The following EFHD2 variants were observed in gnomAD, a reference collection of about 807,000 sequenced individuals.
The protein encoded by EFHD2 is EF-hand domain family member D2.
Under a neutral mutation model 20.3 loss-of-function variants are expected in EFHD2, and 12 were observed. The ratio of observed to expected loss-of-function variants is 0.59; its 90% CI spans 0.38 to 0.96. The LOEUF (loss-of-function observed/expected upper bound fraction) is 0.96, where lower values mean the gene tolerates loss of function less well. Ranked by LOEUF, EFHD2 falls within the 40% of genes least tolerant of loss-of-function variation. EFHD2 has a pLI of 0.00. For missense variants in EFHD2, 250 were observed against 334.3 expected, an observed-to-expected ratio of 0.75 and a Z score of 1.97; for synonymous variants, 131 against 143.9, an observed-to-expected ratio of 0.91 and a Z score of 0.64.
At position 15,410,194 on chromosome 1, in the gene EFHD2, C is replaced by G. The variant is rs1707445884; in HGVS notation, c.223C>G (p.Pro75Ala). The G allele has an allele frequency of 6.2e-7, 1 of 1,605,762 alleles. No individual in the cohort carries two copies. The highest frequency in any genetic ancestry group is 1.1e-5 in the South Asian group (1 of 89,974). ...CCAGGGCATCGGCGAGCCCCAGTCG[C>G]CCAGCCGCCGCGTCTTCAACCCCTA... The part of the protein sequence containing the change: ...LNQGIGEPQS[P>A]SRRVFNPYTE... Residue 75 changes from proline to alanine, a missense_variant, in exon 1 of 4, where the codon CCC becomes GCC. Pro to Ala is a conservative substitution (Grantham distance 27). Coordinates refer to ENST00000375980, the MANE Select transcript of EFHD2 (RefSeq NM_024329.6).
rs555167933 is a variant in EFHD2 at position 15,411,071 on chromosome 1, G to A, written c.308+792G>A. Among the ~76,000 whole-genome samples, 283 of 151,974 alleles carry A rather than the reference G, an allele frequency of 1.9e-3. 1 individual carries two copies. Among genetic ancestry groups the A allele is most frequent in the African/African-American group, 6.3e-3 (259 of 41,428 alleles). On this transcript the variant is annotated intron_variant, in intron 1 of 3. Coordinates refer to ENST00000375980, the MANE Select transcript of EFHD2 (RefSeq NM_024329.6). The stretch of plus-strand genomic sequence containing the variant: ...CTCACTCCAGTCGTCCCTGTGGGCC[G>A]AGTCCCCTCCGGGTTTGGAAGGCCT...
Position 15,426,391 on chromosome 1 carries a change from G to A in EFHD2, c.456+373G>A, listed in dbSNP as rs1707872581. 6.6e-6 allele frequency among the ~76,000 whole-genome samples: 1 copy of A among 152,186 alleles called. No individual in the cohort carries two copies. On this transcript the variant is annotated intron_variant, in intron 2 of 3. Transcript: ENST00000375980. This position sits in a 1 kb window ranked among gnomAD's most constrained non-coding sequence, Gnocchi z 4.6. ...CACAGAAGGAAATCAGGGCTGTGATGCAGAGGAAGAGGGCCACGGCACTGG... is the reference window on the plus strand; with the variant it reads ...CACAGAAGGAAATCAGGGCTGTGATACAGAGGAAGAGGGCCACGGCACTGG...
chr1:15,412,120 C>T (rs35981164), intron 1 of EFHD2, among the ~76,000 whole-genome samples: 13,665 of 151,992 alleles, frequency 0.09, 780 homozygotes, highest in South Asian at 0.19. Flanking sequence ...CTTGGCTCCA[C>T]GGTGTTTGGT....
chr1:15,410,592 C>T (rs562347764), intron 1 of EFHD2, among the ~76,000 whole-genome samples: 1 of 152,260 alleles, frequency 6.6e-6, no homozygotes, highest in African/African-American at 2.4e-5. Flanking sequence ...AATCGCCAGG[C>T]CCCGCGAGCC....
At chr1:15,424,886 C>T (rs781707872) in intron 1 of EFHD2, among the ~76,000 whole-genome samples, 4 of 152,186 alleles carry the variant, frequency 2.6e-5, no homozygotes, top group Non-Finnish European at 5.9e-5. Flanking sequence ...CTTCCACACC[C>T]ACGTCACATC....
chr1:15,426,953 T>C lies in EFHD2; in HGVS notation c.457-197T>C, dbSNP rs540393820. ...AGCATCCTGGGTGGCAGATGAGTCA[T>C]ATCTCCTCCCATTGTACAGTTGGGC... On this transcript the variant is annotated intron_variant, in intron 2 of 3. Coordinates refer to ENST00000375980, the MANE Select transcript of EFHD2 (RefSeq NM_024329.6). The surrounding 1 kb of genome is among the most constrained non-coding windows in gnomAD (Gnocchi z 4.6). Among the ~76,000 whole-genome samples the C allele has an allele frequency of 6.6e-6, 1 of 152,254 alleles. No homozygotes were observed. Among genetic ancestry groups the C allele is most frequent in the African/African-American group, 2.4e-5 (1 of 41,566 alleles).
chr1:15,427,490 G>A (rs1346070529), intron 3 of EFHD2, among the ~76,000 whole-genome samples: 1 of 152,244 alleles, frequency 6.6e-6, no homozygotes, highest in South Asian at 2.1e-4. Flanking sequence ...CGCCAAGGGG[G>A]TGGGTGAGGG....
rs1358706036 is a variant in EFHD2, at chr1:15,429,133, G to A, written c.*409G>A. 2.0e-5 allele frequency: 4 copies of A among 202,076 alleles called. No individual in the cohort carries two copies. Among genetic ancestry groups the A allele is most frequent in the African/African-American group, 7.1e-5 (3 of 42,378 alleles). 12.5% of individuals were successfully genotyped at this position (202,076 alleles called of 1,614,324 possible). On this transcript the variant is annotated 3_prime_UTR_variant, in exon 4 of 4. Transcript: ENST00000375980. ...AACCCCTGCCCTCCTCCAGCAGGCC[G>A]CACCGCCCCTGGGGCCCCCTGCCAG...
chr1:15,409,914 C>T lies in EFHD2; in HGVS notation c.-58C>T. The T allele has an allele frequency of 8.4e-7, 1 of 1,196,452 alleles. No homozygotes were observed. Among genetic ancestry groups the T allele is most frequent in the African/African-American group, 1.6e-5 (1 of 62,744 alleles). 74.1% of individuals were successfully genotyped at this position (1,196,452 alleles called of 1,614,324 possible). A position where few individuals can be genotyped will look rare whatever the true frequency, so the allele number is the denominator to read the frequency against. On this transcript the variant is annotated 5_prime_UTR_variant, in exon 1 of 4. Coordinates refer to ENST00000375980, the MANE Select transcript of EFHD2 (RefSeq NM_024329.6). ...AGTGTCAGGAAGAGGAAGAGCGCGGCCGGCGGCGCTGCGCTGAGAGCAGGG... is the reference window on the plus strand; with the variant it reads ...AGTGTCAGGAAGAGGAAGAGCGCGGTCGGCGGCGCTGCGCTGAGAGCAGGG...
At chr1:15,427,349 G>A in intron 3 of EFHD2, 65 bp downstream of exon 3, 2 of 1,549,574 alleles carry the variant, frequency 1.3e-6, no homozygotes, top group South Asian at 2.4e-5. Context: ...TTGGTGCGAA[G>A]TTAATAGGTC....
chr1:15,420,675 A>AT (rs1707774757), intron 1 of EFHD2, among the ~76,000 whole-genome samples: 1 of 152,180 alleles, frequency 6.6e-6, no homozygotes, highest in Admixed American at 6.5e-5. Context: ...GCGTGCCACC[A>AT]TGCCTGGCTA....
At chr1:15,410,413 G>C in intron 1 of EFHD2, 134 bp downstream of exon 1, 1 of 1,149,654 alleles carries the variant, frequency 8.7e-7, no homozygotes, top group Non-Finnish European at 1.2e-6. Flanking sequence ...AGACGCACCG[G>C]GGTTGGGGAC....
At position 15,428,753 on chromosome 1, in the gene EFHD2, G is replaced by T; in HGVS notation, c.*29G>T. ...GGGCTGCAGCCGACCGCCCTGCTCCGGCCCCAGTGTGGTGGGCGAGGGTGG... is the reference window on the plus strand; with the variant it reads ...GGGCTGCAGCCGACCGCCCTGCTCCTGCCCCAGTGTGGTGGGCGAGGGTGG... On this transcript the variant is annotated 3_prime_UTR_variant, in exon 4 of 4. Coordinates refer to ENST00000375980, the MANE Select transcript of EFHD2 (RefSeq NM_024329.6). 1 of 1,558,336 alleles carries T rather than the reference G, an allele frequency of 6.4e-7. No homozygotes were observed. Among genetic ancestry groups the T allele is most frequent in the Admixed American group, 1.9e-5 (1 of 51,928 alleles).
chr1:15,418,299 CTTTTTTTTT>C lies in EFHD2; in HGVS notation c.309-7556_309-7548del, dbSNP rs764390342. ...GCCACTGCACCTGGTCGAGGAGCAACTTTTTTTTTTTTTTTTTTTTTTTTGAGATGGAGT... is the reference window on the plus strand; with the variant it reads ...GCCACTGCACCTGGTCGAGGAGCAACTTTTTTTTTTTTTTTGAGATGGAGT... On this transcript the variant is annotated intron_variant, in intron 1 of 3. Coordinates refer to ENST00000375980, the MANE Select transcript of EFHD2 (RefSeq NM_024329.6). Among the ~76,000 whole-genome samples the C allele has an allele frequency of 6.5e-5, 5 of 76,894 alleles. No homozygotes were observed. The East Asian group carries it at 1.2e-3, about 19-fold the overall frequency. The allele number at this position is 76,894 out of a possible 152,430, so 50.4% of individuals were successfully genotyped here.
intron 1 of EFHD2, among the ~76,000 whole-genome samples, chr1:15,414,323 C>A (rs1164500732): frequency 6.6e-6 from 1 of 152,234 alleles, no homozygotes; most frequent in South Asian, 2.1e-4. Flanking sequence ...CCTCCACCTC[C>A]AGGGGACACA....
chr1:15,418,697 C>T (rs958586849), intron 1 of EFHD2, among the ~76,000 whole-genome samples: 2 of 152,196 alleles, frequency 1.3e-5, no homozygotes, highest in Non-Finnish European at 2.9e-5. Flanking sequence ...CACTAAACAA[C>T]GAACTGCATC....
chr1:15,418,453 C>T (rs369417147), intron 1 of EFHD2, among the ~76,000 whole-genome samples: 1 of 151,356 alleles, frequency 6.6e-6, no homozygotes, highest in Admixed American at 6.6e-5. Context: ...CTACAGGCGC[C>T]CACCATCACG....
intron 1 of EFHD2, 140 bp downstream of exon 1, chr1:15,410,419 G>T (rs1423600011): frequency 3.1e-5 from 34 of 1,086,282 alleles, no homozygotes; most frequent in Non-Finnish European, 4.2e-5. Context: ...ACCGGGGTTG[G>T]GGACCCGGCG....
At chr1:15,427,445 G>A (rs1030316961) in intron 3 of EFHD2, among the ~76,000 whole-genome samples, 161 bp downstream of exon 3, 2 of 152,232 alleles carry the variant, frequency 1.3e-5, no homozygotes, top group African/African-American at 4.8e-5. Flanking sequence ...TCTGTCTTCT[G>A]TCTTCTCCCA....
Sources: allele counts gnomAD v4.1 joint callset (sites outside exome capture counted in the v4.1 genomes callset), GRCh38; gene constraint gnomAD v4.1.1; non-coding constraint Gnocchi (gnomAD v3.1); transcripts MANE v1.5; gene names NCBI Gene and HGNC (gene_info 2026-07-23, HGNC 2026-07-21).